RARB: variants seen among roughly 807,000 people sequenced by gnomAD.
RARB encodes the protein HBV-activated protein.
RARB carries 17 observed loss-of-function variants against 51.9 expected under a neutral mutation model. That is an observed-to-expected ratio of 0.33 (90% CI 0.22 to 0.49). The LOEUF is 0.49. Ranked by LOEUF, RARB falls within the 20% of genes least tolerant of loss-of-function variation. RARB has a pLI of 0.99. For missense variants in RARB, 369 were observed against 550.8 expected, an observed-to-expected ratio of 0.67 and a Z score of 3.30; for synonymous variants, 215 against 195.4, an observed-to-expected ratio of 1.10 and a Z score of -0.84.
At chr3:24,926,560 G>A (rs1258879345) in intron 2 of RARB, among the ~76,000 whole-genome samples, 2 of 152,034 alleles carry the variant, frequency 1.3e-5, no homozygotes, top group Non-Finnish European at 2.9e-5. Context: ...TGCTATAGCT[G>A]TTAAACAAAA....
chr3:25,054,018 TGAG>T (rs1344951288), intron 2 of RARB, among the ~76,000 whole-genome samples: 3 of 152,148 alleles, frequency 2.0e-5, no homozygotes, highest in Non-Finnish European at 4.4e-5. Flanking sequence ...TCCTTGCTCT[TGAG>T]GAGTTCTTGG....
chr3:25,514,945 ACT>A (rs1698085269), intron 3 of RARB, among the ~76,000 whole-genome samples: 1 of 152,154 alleles, frequency 6.6e-6, no homozygotes, highest in South Asian at 2.1e-4. Context: ...GTGTCCTTGG[ACT>A]TTCAGCTCTC....
chr3:24,905,243 C>T (rs1268226744), intron 2 of RARB, among the ~76,000 whole-genome samples: 1 of 152,126 alleles, frequency 6.6e-6, no homozygotes, highest in Non-Finnish European at 1.5e-5. Flanking sequence ...TTACCCTGGG[C>T]CCTGGGGGTT....
intron 1 of RARB, among the ~76,000 whole-genome samples, chr3:25,448,563 G>T (rs1250989767): frequency 1.3e-5 from 2 of 152,068 alleles, no homozygotes; most frequent in Non-Finnish European, 2.9e-5. Flanking sequence ...TGCCTCCCAG[G>T]TTCAAGCAAT....
intron 2 of RARB, among the ~76,000 whole-genome samples, chr3:24,942,364 C>G (rs746827908): frequency 6.6e-6 from 1 of 152,030 alleles, no homozygotes; most frequent in African/African-American, 2.4e-5. Flanking sequence ...TGAAATGGGC[C>G]TTAGGGTTTA....
intron 1 of RARB, among the ~76,000 whole-genome samples, chr3:24,841,059 TG>T (rs1559368746): frequency 6.6e-6 from 1 of 152,162 alleles, no homozygotes; most frequent in Non-Finnish European, 1.5e-5. Flanking sequence ...ACATCCTAAT[TG>T]AAATATCATT....
In RARB at chr3:25,038,560, T is replaced by C. The variant is rs926033254; in HGVS notation, c.-379-21565T>C. ...TTGTTGCTGAAGGAAGGTGATGAAG[T>C]GGTGCCAAGAAAGTGGCAAATTGCC... On this transcript the variant is annotated intron_variant, in intron 2 of 11. Transcript: ENST00000383772. Among the ~76,000 whole-genome samples, 8 of 152,242 alleles carry C rather than the reference T, an allele frequency of 5.3e-5. No homozygotes were observed. The East Asian group carries it at 1.4e-3, about 26-fold the overall frequency.
chr3:24,949,416 A>T (rs1171287346), intron 2 of RARB, among the ~76,000 whole-genome samples: 1 of 152,218 alleles, frequency 6.6e-6, no homozygotes, highest in Non-Finnish European at 1.5e-5. Flanking sequence ...AAGAGGGTGC[A>T]CGGTAAAATC....
At position 24,871,576 on chromosome 3, in the gene RARB, G is replaced by C. The variant is rs148228897; in HGVS notation, c.-380+12824G>C. ...ACTTTACTCATTTATCAACATTTAC[G>C]TTCTTGGCTTTTATGCTAACATCTT... On this transcript the variant is annotated intron_variant, in intron 2 of 11. Transcript: ENST00000383772. 2.9e-4 allele frequency among the ~76,000 whole-genome samples: 44 copies of C among 152,146 alleles called. 1 individual carries two copies. The East Asian group carries it at 8.5e-3, about 29-fold the overall frequency.
At chr3:25,088,236 CTCAA>C (rs1442410903) in intron 3 of RARB, among the ~76,000 whole-genome samples, 1 of 152,048 alleles carries the variant, frequency 6.6e-6, no homozygotes, top group South Asian at 2.1e-4. Flanking sequence ...TTGCTGTTTT[CTCAA>C]TCAATCCTCC....
chr3:25,230,621 A>G (rs574097192), intron 5 of RARB, among the ~76,000 whole-genome samples: 1 of 152,124 alleles, frequency 6.6e-6, no homozygotes, highest in South Asian at 2.1e-4. Context: ...TCTTATAGGC[A>G]TTATATACAC....
At chr3:25,199,148 C>T (rs1701327324) in intron 5 of RARB, among the ~76,000 whole-genome samples, 1 of 152,032 alleles carries the variant, frequency 6.6e-6, no homozygotes, top group Non-Finnish European at 1.5e-5. Context: ...TTTGCAACAA[C>T]GTGGATGGAA....
intron 2 of RARB, among the ~76,000 whole-genome samples, chr3:25,036,603 A>G (rs554669007): frequency 2.6e-5 from 4 of 152,268 alleles, no homozygotes; most frequent in East Asian, 1.9e-4. Flanking sequence ...GGGACAACAA[A>G]TGTCTCTAAG....
At chr3:25,070,981 G>A (rs1698755809) in intron 3 of RARB, among the ~76,000 whole-genome samples, 1 of 152,176 alleles carries the variant, frequency 6.6e-6, no homozygotes, top group Non-Finnish European at 1.5e-5. Context: ...GCCCTGGGAT[G>A]CAGCATTGAC....
intron 5 of RARB, among the ~76,000 whole-genome samples, chr3:25,398,799 G>A (rs1467311955): frequency 6.6e-6 from 1 of 152,086 alleles, no homozygotes; most frequent in African/African-American, 2.4e-5. Context: ...ATAAATACAT[G>A]CATGTGTATA....
chr3:25,165,401 G>A (rs1429717477), intron 4 of RARB, among the ~76,000 whole-genome samples: 1 of 152,048 alleles, frequency 6.6e-6, no homozygotes, highest in African/African-American at 2.4e-5. Context: ...AAACCAATCA[G>A]CAGTAAGACT....
chr3:24,860,795 CAGAGAGG>C (rs1205094776), intron 2 of RARB, among the ~76,000 whole-genome samples: 2 of 152,072 alleles, frequency 1.3e-5, no homozygotes, highest in Non-Finnish European at 2.9e-5. Flanking sequence ...ACATTAGGTA[CAGAGAGG>C]TGAAGTAACT....
intron 5 of RARB, among the ~76,000 whole-genome samples, chr3:25,213,573 A>G (rs1033759352): frequency 7.2e-5 from 11 of 152,190 alleles, no homozygotes; most frequent in Non-Finnish European, 1.0e-4. Flanking sequence ...CAGAGTATCT[A>G]CCTAGAAGTG....
At chr3:25,561,041 A>C (rs979281089) in intron 3 of RARB, among the ~76,000 whole-genome samples, 1 of 152,222 alleles carries the variant, frequency 6.6e-6, no homozygotes, top group African/African-American at 2.4e-5. Flanking sequence ...TCAGATAAGG[A>C]AACTGAGGCT....
Sources: allele counts gnomAD v4.1 joint callset (sites outside exome capture counted in the v4.1 genomes callset), GRCh38; gene constraint gnomAD v4.1.1; transcripts MANE v1.5; gene names NCBI Gene and HGNC (gene_info 2026-07-23, HGNC 2026-07-21).